RASSF4: variants seen among roughly 807,000 people sequenced by gnomAD.
RASSF4 encodes the protein ras association domain-containing protein 4.
A neutral mutation model predicts 41.1 loss-of-function variants in RASSF4; 38 were observed. That is an observed-to-expected ratio of 0.92 (90% CI 0.71 to 1.21). The LOEUF (loss-of-function observed/expected upper bound fraction) is 1.21. Among genes scored for constraint, RASSF4 ranks in the 50% most tolerant of loss-of-function variants. The probability of loss-of-function intolerance (pLI) is 0.00; values close to 1 mark genes in which losing one functional copy is unlikely to be tolerated. For synonymous variants in RASSF4, 179 were observed against 163.4 expected, an observed-to-expected ratio of 1.10 and a Z score of -0.73; for missense variants, 414 against 419.4, an observed-to-expected ratio of 0.99 and a Z score of 0.11.
chr10:44,991,335 T>A (rs1000297914), intron 9 of RASSF4: 14 of 353,906 alleles, frequency 4.0e-5, no homozygotes, highest in Non-Finnish European at 5.6e-5. Context: ...AGTAAAGTCT[T>A]TTCCTTCATT....
chr10:44,991,787 G>A, intron 9 of RASSF4, 118 bp from the exon 10 acceptor site: 1 of 668,112 alleles, frequency 1.5e-6, no homozygotes, highest in East Asian at 2.6e-5. Flanking sequence ...AAAAGCGGCA[G>A]CTCCTTCTGT....
chr10:44,990,935 CCTT>C lies in RASSF4; in HGVS notation c.686-9_686-7del. 1 of 1,608,782 alleles carries C rather than the reference CCTT, an allele frequency of 6.2e-7. No homozygotes were observed. Among genetic ancestry groups the C allele is most frequent in the South Asian group, 1.1e-5 (1 of 90,900 alleles). ...AATCTCCCGTGATTTTTGTAAACCA[CCTT>C]CTTTTTCAGAGCGGACAAAATTAAA... On this transcript the variant is annotated splice_polypyrimidine_tract_variant and intron_variant, in intron 8 of 10. Coordinates refer to ENST00000340258, the MANE Select transcript of RASSF4 (RefSeq NM_032023.4).
Position 44,971,798 on chromosome 10 carries a change from A to G in RASSF4, c.88A>G (p.Thr30Ala). ...QKSELLGLLKTYNCYHEGKSF... is the reference protein window; with the variant it reads ...QKSELLGLLKAYNCYHEGKSF... ...GTCGGAGCTCTTAGGCCTGCTGAAA[A>G]CCTACAACTGCTACCATGAGGGCAA... The change falls in exon 3 of 11, where the codon ACC (threonine) becomes GCC (alanine). Residue 30 changes from threonine to alanine, a missense_variant. Coordinates refer to ENST00000340258, the MANE Select transcript of RASSF4 (RefSeq NM_032023.4). 1 of 1,613,740 alleles carries G rather than the reference A, an allele frequency of 6.2e-7. No homozygotes were observed. The highest frequency in any genetic ancestry group is 8.5e-7 in the Non-Finnish European group (1 of 1,179,832).
At chr10:44,984,456 T>C in intron 5 of RASSF4, 1 of 493,408 alleles carries the variant, frequency 2.0e-6, no homozygotes. Flanking sequence ...TCACCCTCTG[T>C]ACCTGCTCAC....
At position 44,995,055 on chromosome 10, in the gene RASSF4, A is replaced by G. The variant is rs1842244319; in HGVS notation, c.*1726A>G. 2 of 152,254 alleles carry G rather than the reference A, an allele frequency of 1.3e-5. No individual in the cohort carries two copies. Among genetic ancestry groups the G allele is most frequent in the African/African-American group, 2.4e-5 (1 of 41,442 alleles). The allele number at this position is 152,254 out of a possible 1,614,324, so 9.4% of individuals were successfully genotyped here. ...CAGGCCAGGGGCTCAGGTGGGATGGAAGCAGGGCCTAGGAGAGGGTACAAA... is the reference window on the plus strand; with the variant it reads ...CAGGCCAGGGGCTCAGGTGGGATGGGAGCAGGGCCTAGGAGAGGGTACAAA... On this transcript the variant is annotated 3_prime_UTR_variant, in exon 11 of 11. Coordinates refer to ENST00000340258, the MANE Select transcript of RASSF4 (RefSeq NM_032023.4).
chr10:44,989,767 A>G, intron 8 of RASSF4, 46 bp downstream of exon 8: 1 of 1,547,084 alleles, frequency 6.5e-7, no homozygotes, highest in Non-Finnish European at 8.9e-7. Context: ...AAAGGTCTCT[A>G]CCTGTTCAGC....
At chr10:44,981,135 G>A (rs1841690268) in intron 3 of RASSF4, 1 of 152,022 alleles carries the variant, frequency 6.6e-6, no homozygotes, top group Non-Finnish European at 1.5e-5. Flanking sequence ...GTGCTGCCAG[G>A]GATACAAAGA....
intron 6 of RASSF4, among the ~76,000 whole-genome samples, chr10:44,986,185 A>C (rs76764010): frequency 1.3e-5 from 2 of 152,180 alleles, no homozygotes; most frequent in Non-Finnish European, 2.9e-5. Flanking sequence ...TACCAAAAAA[A>C]GGGTGGGGGC....
At chr10:44,993,219 C>A (rs1225880758) in intron 10 of RASSF4, 50 bp from the exon 11 acceptor site, 6 of 1,559,622 alleles carry the variant, frequency 3.8e-6, no homozygotes, top group Non-Finnish European at 5.3e-6. Flanking sequence ...CTGCCCACCT[C>A]CCTGCCCTGT....
In RASSF4 at chr10:44,993,442, G is replaced by A; in HGVS notation, c.*113G>A. 3 of 755,212 alleles carry A rather than the reference G, an allele frequency of 4.0e-6. No individual in the cohort carries two copies. The South Asian group carries it at 4.9e-5, about 12-fold the overall frequency. 46.8% of individuals were successfully genotyped at this position (755,212 alleles called of 1,614,324 possible). Reference sequence around the variant, plus strand: ...TGATGGCCACCGCCTGACGAATCGAGTGCCTGTGTGTCTACCTCTCTGAAG... The same window carrying A: ...TGATGGCCACCGCCTGACGAATCGAATGCCTGTGTGTCTACCTCTCTGAAG... On this transcript the variant is annotated 3_prime_UTR_variant, in exon 11 of 11. Transcript: ENST00000340258.
At chr10:44,977,737 C>T in intron 3 of RASSF4, 2 of 1,606,570 alleles carry the variant, frequency 1.2e-6, no homozygotes, top group African/African-American at 1.3e-5. Flanking sequence ...CAGTATCAGC[C>T]ATGGGCAGTG....
At chr10:44,990,010 C>A (rs1263980248) in intron 8 of RASSF4, among the ~76,000 whole-genome samples, 2 of 152,250 alleles carry the variant, frequency 1.3e-5, no homozygotes, top group Non-Finnish European at 2.9e-5. Flanking sequence ...AAGTTTAATT[C>A]TTTCAGGATT....
rs556964033 is a variant in RASSF4, at chr10:44,984,155, G to A, written c.373+42G>A. On this transcript the variant is annotated intron_variant, in intron 5 of 10. Coordinates refer to ENST00000340258, the MANE Select transcript of RASSF4 (RefSeq NM_032023.4). ...AGCTGCCCAGACCCCTGCCTCATCC[G>A]GGGTAGGAGCAGAGGGGCTTGGCTC... 197 of 1,540,270 alleles carry A rather than the reference G, an allele frequency of 1.3e-4. 1 individual carries two copies. The highest frequency in any genetic ancestry group is 8.4e-4 in the South Asian group (70 of 83,040).
intron 1 of RASSF4, among the ~76,000 whole-genome samples, chr10:44,964,092 C>T (rs566194574): frequency 1.3e-5 from 2 of 152,268 alleles, no homozygotes. Context: ...AAAGGAAAGA[C>T]GGCCCATGCC....
chr10:44,968,300 A>G (rs763942026), intron 1 of RASSF4, among the ~76,000 whole-genome samples: 8 of 152,126 alleles, frequency 5.3e-5, no homozygotes, highest in African/African-American at 1.4e-4. Flanking sequence ...CACTTTTTCC[A>G]TGGGCAAGCG....
intron 1 of RASSF4, among the ~76,000 whole-genome samples, chr10:44,965,131 T>C (rs937385837): frequency 2.6e-5 from 4 of 152,228 alleles, no homozygotes; most frequent in Non-Finnish European, 5.9e-5. Context: ...TTAAGGTGCA[T>C]GCATGGGAGC....
chr10:44,988,475 T>C (rs1314593631), intron 6 of RASSF4, among the ~76,000 whole-genome samples: 10 of 146,198 alleles, frequency 6.8e-5, no homozygotes, highest in Non-Finnish European at 1.2e-4. Context: ...CCCAGCCAAA[T>C]TGTGAAGAAG....
chr10:44,991,126 C>T (rs761066466), intron 9 of RASSF4, 57 bp downstream of exon 9: 78 of 1,532,468 alleles, frequency 5.1e-5, no homozygotes, highest in South Asian at 2.1e-4. Flanking sequence ...TCTTGGGTGA[C>T]GGGGCCTCCC....
rs555623666 is a variant in RASSF4, at chr10:44,984,879, G to A, written c.440G>A (p.Ser147Asn). The A allele has an allele frequency of 2.9e-5, 46 of 1,613,658 alleles. No homozygotes were observed. The South Asian group carries it at 4.6e-4, about 16-fold the overall frequency. Residue 147 changes from serine (S) to asparagine (N), a missense_variant, in exon 6 of 11, where the codon AGC (serine) becomes AAC (asparagine). By Grantham distance (46) the Ser-to-Asn change is conservative (BLOSUM62 1). Transcript: ENST00000340258. ...ACCAAGAGCGACGCCAGTTGCATGA[G>A]CCAGAGGAGGCCCAAGTGCCGCGCC... ...MRTKSDASCMSQRRPKCRAPG... is the reference protein window; with the variant it reads ...MRTKSDASCMNQRRPKCRAPG...
Sources: allele counts gnomAD v4.1 joint callset (sites outside exome capture counted in the v4.1 genomes callset), GRCh38; gene constraint gnomAD v4.1.1; transcripts MANE v1.5; gene names NCBI Gene and HGNC (gene_info 2026-07-23, HGNC 2026-07-21).